Variants in ADRA1A observed in about 807,000 individuals in gnomAD.
ADRA1A encodes adrenoceptor alpha 1A.
Under a neutral mutation model 29.6 loss-of-function variants are expected in ADRA1A, and 31 were observed. The observed-to-expected ratio is 1.05, with a 90% CI of 0.79 to 1.41. The LOEUF is 1.41. Ranked by LOEUF, ADRA1A falls within the 40% of genes most tolerant of loss-of-function variation. The pLI is 0.00. For synonymous variants in ADRA1A, 311 were observed against 254.3 expected (o/e 1.22, Z -2.12); for missense variants, 619 against 601.1 (o/e 1.03, Z -0.31).
chr8:26,774,313 C>T (rs1160385693), intron 2 of ADRA1A, among the ~76,000 whole-genome samples: 1 of 152,164 alleles, frequency 6.6e-6, no homozygotes, highest in East Asian at 1.9e-4. Context: ...TGCTGACTGG[C>T]TGGGGTTAGA....
Position 26,864,920 on chromosome 8 carries a change from G to A in ADRA1A, c.50C>T (p.Pro17Leu), listed in dbSNP as rs760692242. The change falls in exon 2 of 3, where the codon CCG (proline) becomes CTG (leucine). Residue 17 changes from proline to leucine, a missense_variant. Physicochemically the swap from Pro to Leu is moderately conservative, Grantham distance 98. Transcript: ENST00000380573. This position sits in a 1 kb window ranked among gnomAD's most constrained non-coding sequence, Gnocchi z 8.1. ...NASDSSNCTQ[P>L]PAPVNISKAI... The stretch of plus-strand genomic sequence containing the variant: ...CTTGGAAATGTTCACCGGTGCCGGC[G>A]GTTGGGTGCAGTTGGAGCTGTCGGA... 7 of 1,613,416 alleles carry A rather than the reference G, an allele frequency of 4.3e-6. No individual in the cohort carries two copies. Among genetic ancestry groups the A allele is most frequent in the Non-Finnish European group, 5.9e-6 (7 of 1,180,004 alleles).
intron 2 of ADRA1A, among the ~76,000 whole-genome samples, chr8:26,813,012 C>T (rs1281545827): frequency 2.7e-5 from 4 of 145,712 alleles, no homozygotes; most frequent in African/African-American, 1.1e-4. Flanking sequence ...TGATAAAGAC[C>T]TCTAGTTTGA....
At position 26,857,589 on chromosome 8, in the gene ADRA1A, T is replaced by G. The variant is rs181756083; in HGVS notation, c.883+6498A>C. The stretch of plus-strand genomic sequence containing the variant: ...AGAAGGCTGAGGTGGGAGAATCACT[T>G]GAGTTCGAGGCCGCAGTGAGCTATG... On this transcript the variant is annotated intron_variant, in intron 2 of 2. Transcript: ENST00000380573. 2.1e-3 allele frequency among the ~76,000 whole-genome samples: 320 copies of G among 152,264 alleles called. 2 individuals carry two copies. The highest frequency in any genetic ancestry group is 7.5e-3 in the African/African-American group (312 of 41,554).
chr8:26,792,643 G>A (rs1807915603), intron 2 of ADRA1A, among the ~76,000 whole-genome samples: 1 of 148,088 alleles, frequency 6.8e-6, no homozygotes, highest in Non-Finnish European at 1.5e-5. Flanking sequence ...GGTTCTTTAT[G>A]TAGTAAATGT....
chr8:26,837,827 G>A (rs1811499111), intron 2 of ADRA1A, among the ~76,000 whole-genome samples: 1 of 152,186 alleles, frequency 6.6e-6, no homozygotes. Context: ...AAGGCTCAAT[G>A]AGTAGAAGCT....
intron 2 of ADRA1A, among the ~76,000 whole-genome samples, chr8:26,850,025 C>CAAAAAAAAAAAAAAAAAAAAAA (rs141672591): frequency 2.0e-4 from 24 of 121,560 alleles, no homozygotes; most frequent in South Asian, 2.6e-4. Context: ...GAGAGAAATG[C>CAAAAAAAAAAAAAAAAAAAAAA]AAAAACAAAA....
At chr8:26,813,789 G>A (rs562385365) in intron 2 of ADRA1A, among the ~76,000 whole-genome samples, 2 of 152,090 alleles carry the variant, frequency 1.3e-5, no homozygotes, top group African/African-American at 4.8e-5. Context: ...CAAACACTGG[G>A]AAAATAGGAT....
At chr8:26,778,852 G>C (rs1252017844) in intron 2 of ADRA1A, among the ~76,000 whole-genome samples, 1 of 151,328 alleles carries the variant, frequency 6.6e-6, no homozygotes, top group African/African-American at 2.4e-5. Context: ...TAAATGACGA[G>C]TTAATGGGTG....
intron 2 of ADRA1A, among the ~76,000 whole-genome samples, chr8:26,794,992 G>A (rs1188391474): frequency 6.6e-6 from 1 of 152,018 alleles, no homozygotes; most frequent in African/African-American, 2.4e-5. Flanking sequence ...GAAAACAAAC[G>A]TTGTATTTTT....
downstream of ADRA1A, among the ~76,000 whole-genome samples, chr8:26,764,961 A>G (rs1455651805): frequency 6.6e-6 from 1 of 152,246 alleles, no homozygotes; most frequent in African/African-American, 2.4e-5. Flanking sequence ...TGCACTGAAT[A>G]TGATACAGAG....
chr8:26,783,771 A>AT (rs1486578900), intron 2 of ADRA1A, among the ~76,000 whole-genome samples: 5 of 152,248 alleles, frequency 3.3e-5, no homozygotes, highest in African/African-American at 1.2e-4. Flanking sequence ...AAAGACATGG[A>AT]ATCAACCCAA....
intron 2 of ADRA1A, among the ~76,000 whole-genome samples, chr8:26,849,833 G>A (rs988558984): frequency 6.6e-6 from 1 of 152,156 alleles, no homozygotes; most frequent in East Asian, 1.9e-4. Context: ...GACTTAAGCA[G>A]CTATTAGGCT....
chr8:26,830,474 A>G (rs747254589), intron 2 of ADRA1A, among the ~76,000 whole-genome samples: 12 of 152,230 alleles, frequency 7.9e-5, no homozygotes, highest in Admixed American at 2.6e-4. Context: ...ACTGGACCAC[A>G]GGGAAATAAA....
chr8:26,838,359 T>G lies in ADRA1A; in HGVS notation c.883+25728A>C, dbSNP rs543765292. On this transcript the variant is annotated intron_variant, in intron 2 of 2. Coordinates refer to ENST00000380573, the MANE Select transcript of ADRA1A (RefSeq NM_000680.4). Reference sequence around the variant, plus strand: ...GTCACTGACACCACCTTCCGAGGCTTAGTGATGAGTAGAAAATCCAGACCC... The same window carrying G: ...GTCACTGACACCACCTTCCGAGGCTGAGTGATGAGTAGAAAATCCAGACCC... Among the ~76,000 whole-genome samples, 5 of 152,276 alleles carry G rather than the reference T, an allele frequency of 3.3e-5. No homozygotes were observed. The South Asian group carries it at 1.0e-3, about 32-fold the overall frequency.
chr8:26,778,654 T>A (rs1806723836), intron 2 of ADRA1A, among the ~76,000 whole-genome samples: 3 of 152,076 alleles, frequency 2.0e-5, no homozygotes, highest in African/African-American at 7.2e-5. Flanking sequence ...GGGACATGGA[T>A]GAAGCTGGAA....
At position 26,770,419 on chromosome 8, in the gene ADRA1A, G is replaced by C. The variant is rs758390565; in HGVS notation, c.1131C>G (p.Ile377Met). Residue 377 changes from isoleucine to methionine, a missense_variant, in exon 3 of 3, where the codon ATC becomes ATG. Physicochemically the swap from Ile to Met is conservative, Grantham distance 10. Transcript: ENST00000380573. ...VEGQHKDMVR[I>M]PVGSRETFYR... is the part of the protein sequence containing the mutation. ...AGAAGGTCTCTCTTGATCCCACGGG[G>C]ATGCGCACCATGTCCTTGTGTTGCC... 1 of 1,614,218 alleles carries C rather than the reference G, an allele frequency of 6.2e-7. No individual in the cohort carries two copies. Among genetic ancestry groups the C allele is most frequent in the Non-Finnish European group, 8.5e-7 (1 of 1,180,026 alleles).
chr8:26,779,361 G>A, intron 2 of ADRA1A: 1 of 702,720 alleles, frequency 1.4e-6, no homozygotes, highest in South Asian at 1.5e-5. Flanking sequence ...CCCCAGCACT[G>A]CTGCATGGTG....
exon 3 of ADRA1A, chr8:26,748,254 C>A (rs1407490663): frequency 7.1e-5 from 11 of 155,356 alleles, no homozygotes; most frequent in African/African-American, 2.6e-4. Flanking sequence ...GTACTATGTA[C>A]CCTCTAGAGG....
chr8:26,754,426 C>G (rs1200132282), downstream of ADRA1A, among the ~76,000 whole-genome samples: 1 of 151,810 alleles, frequency 6.6e-6, no homozygotes, highest in Non-Finnish European at 1.5e-5. Flanking sequence ...AATACCAAAC[C>G]TGGAGAAGGT....
Sources: allele counts gnomAD v4.1 joint callset (sites outside exome capture counted in the v4.1 genomes callset), GRCh38; gene constraint gnomAD v4.1.1; non-coding constraint Gnocchi (gnomAD v3.1); transcripts MANE v1.5; gene names NCBI Gene and HGNC (gene_info 2026-07-23, HGNC 2026-07-21).